The following GRAMD1C variants were observed in gnomAD, a reference collection of about 807,000 sequenced individuals.
GRAMD1C encodes protein Aster-C.
Under a neutral mutation model 97.8 loss-of-function variants are expected in GRAMD1C, and 89 were observed. That is an observed-to-expected ratio of 0.91 (90% CI 0.77 to 1.09). The LOEUF (loss-of-function observed/expected upper bound fraction) is 1.09, where lower values mean the gene tolerates loss of function less well. GRAMD1C is among the 50% of genes least tolerant of loss of function. The probability of loss-of-function intolerance (pLI) is 0.00; values close to 1 mark genes in which losing one functional copy is unlikely to be tolerated. For synonymous variants in GRAMD1C, 256 were observed against 267.0 expected (o/e 0.96, Z 0.40); for missense variants, 740 against 766.4 (o/e 0.97, Z 0.41).
At chr3:113,836,246 A>C (rs146457883), upstream of GRAMD1C, among the ~76,000 whole-genome samples, 940 of 152,384 alleles carry the variant, frequency 6.2e-3, 3 homozygotes, top group Non-Finnish European at 8.7e-3. Flanking sequence ...TCTGGGGGAC[A>C]GAACGAGACT....
At chr3:113,839,121 C>T (rs1463871532) in intron 1 of GRAMD1C, among the ~76,000 whole-genome samples, 185 bp downstream of exon 1, 1 of 152,172 alleles carries the variant, frequency 6.6e-6, no homozygotes, top group Non-Finnish European at 1.5e-5. Context: ...CGAGCCCTTT[C>T]CCTACGGGCG....
At chr3:113,925,228 G>A (rs1274584689) in intron 10 of GRAMD1C, among the ~76,000 whole-genome samples, 8 of 152,236 alleles carry the variant, frequency 5.3e-5, no homozygotes, top group Middle Eastern at 3.4e-3. Context: ...GGGGGCTCAC[G>A]CCTGTAATCC....
intron 1 of GRAMD1C, among the ~76,000 whole-genome samples, chr3:113,843,476 C>T (rs977010413): frequency 3.9e-5 from 6 of 151,922 alleles, no homozygotes; most frequent in Non-Finnish European, 7.4e-5. Flanking sequence ...TGAGCAATTA[C>T]CCGATGGGCC....
intron 3 of GRAMD1C, among the ~76,000 whole-genome samples, chr3:113,871,166 A>T (rs1165574285): frequency 1.3e-5 from 2 of 152,180 alleles, no homozygotes; most frequent in Non-Finnish European, 2.9e-5. Context: ...TAACAGATGT[A>T]CTCATAGAGA....
chr3:113,947,156 T>C lies in GRAMD1C; in HGVS notation c.*1678T>C, dbSNP rs868175156. On this transcript the variant is annotated 3_prime_UTR_variant, in exon 18 of 18. Coordinates refer to ENST00000358160, the MANE Select transcript of GRAMD1C (RefSeq NM_017577.5). ...GCCTGTTACGTAAATTGAATATTAATAAAATTGAAAATTTCTGAGTTGTAG... is the reference window on the plus strand; with the variant it reads ...GCCTGTTACGTAAATTGAATATTAACAAAATTGAAAATTTCTGAGTTGTAG... 8 of 152,336 alleles carry C rather than the reference T, an allele frequency of 5.3e-5. No individual in the cohort carries two copies. In the East Asian group the frequency reaches 7.7e-4, roughly 15 times the overall value. 9.4% of individuals were successfully genotyped at this position (152,336 alleles called of 1,614,324 possible).
rs374765529 is a variant in GRAMD1C, at chr3:113,882,775, C to G, written c.483C>G (p.Ala161=). ...SEKFFFTSFG[A]RDRSYLSIFR... ...AGTTTTTCTTCACATCTTTTGGTGC[C>G]AGGGATAGAAGTTACCTCAGTATCT... The change falls in exon 6 of 18, where the codon GCC becomes GCG. Residue 161 remains alanine, a synonymous_variant. Transcript: ENST00000358160. 12 of 1,591,880 alleles carry G rather than the reference C, an allele frequency of 7.5e-6. No homozygotes were observed. The African/African-American group carries it at 1.2e-4, about 16-fold the overall frequency.
chr3:113,886,777 G>GTTTT (rs34683672), intron 6 of GRAMD1C, among the ~76,000 whole-genome samples: 200 of 80,022 alleles, frequency 2.5e-3, no homozygotes, highest in African/African-American at 3.1e-3. Flanking sequence ...TTGTTTGCTT[G>GTTTT]TTTTTTTTTT....
At chr3:113,921,271 A>T (rs1269599119) in intron 10 of GRAMD1C, among the ~76,000 whole-genome samples, 1 of 152,182 alleles carries the variant, frequency 6.6e-6, no homozygotes. Flanking sequence ...ATACTATCCC[A>T]TGGTGTATAT....
chr3:113,890,569 A>G, intron 6 of GRAMD1C: 1 of 561,036 alleles, frequency 1.8e-6, no homozygotes, highest in South Asian at 2.6e-5. Context: ...CTATTCTAGC[A>G]CTGGCTGAAA....
At position 113,934,515 on chromosome 3, in the gene GRAMD1C, A is replaced by T. The variant is rs370612537; in HGVS notation, c.1436A>T (p.Glu479Val). The T allele has an allele frequency of 1.3e-6, 2 of 1,551,540 alleles. No individual in the cohort carries two copies. Among genetic ancestry groups the T allele is most frequent in the Non-Finnish European group, 1.8e-6 (2 of 1,132,024 alleles). Residue 479 changes from glutamate (E) to valine (V), a missense_variant, in exon 13 of 18, where the codon GAG becomes GTG. Physicochemically the swap from Glu to Val is moderately radical, Grantham distance 121. Coordinates refer to ENST00000358160, the MANE Select transcript of GRAMD1C (RefSeq NM_017577.5). ...LIEKNSWSSL[E>V]DYFKQLESDL... The stretch of plus-strand genomic sequence containing the variant: ...GAAAAGAATTCCTGGAGTTCTTTGG[A>T]GGACTATTTCAAACAGCTTGGTTTG...
At chr3:113,889,207 A>AG (rs1251756763) in intron 6 of GRAMD1C, among the ~76,000 whole-genome samples, 1 of 151,856 alleles carries the variant, frequency 6.6e-6, no homozygotes, top group Non-Finnish European at 1.5e-5. Flanking sequence ...TCTAAAAAAA[A>AG]ACGTATATCC....
intron 2 of GRAMD1C, among the ~76,000 whole-genome samples, chr3:113,851,752 A>G (rs1933915766): frequency 6.6e-6 from 1 of 152,098 alleles, no homozygotes; most frequent in Admixed American, 6.6e-5. Flanking sequence ...TCCTGACCTC[A>G]GGTGATCCAT....
intron 6 of GRAMD1C, among the ~76,000 whole-genome samples, chr3:113,884,891 CT>C (rs796500184): frequency 6.2e-5 from 9 of 145,780 alleles, no homozygotes; most frequent in African/African-American, 1.3e-4. Context: ...CCACTCTCCG[CT>C]TTCCCCCCCT....
intron 7 of GRAMD1C, 106 bp from the exon 8 acceptor site, chr3:113,904,034 T>C: frequency 1.3e-6 from 1 of 745,430 alleles, no homozygotes; most frequent in South Asian, 2.0e-5. Context: ...AGTAGTCCAT[T>C]TATTATCAAA....
intron 2 of GRAMD1C, chr3:113,850,218 A>G: frequency 1.9e-6 from 1 of 535,564 alleles, no homozygotes. Flanking sequence ...TCAATGCAAA[A>G]TAATAATACT....
At chr3:113,931,381 G>A in intron 11 of GRAMD1C, among the ~76,000 whole-genome samples, 1 of 146,566 alleles carries the variant, frequency 6.8e-6, no homozygotes, top group Admixed American at 6.8e-5. Flanking sequence ...TTTTTTTTGA[G>A]ACGGAGTCTC....
intron 6 of GRAMD1C, 27 bp downstream of exon 6, chr3:113,882,859 C>T: frequency 8.8e-7 from 1 of 1,137,044 alleles, no homozygotes; most frequent in Non-Finnish European, 1.3e-6. Context: ...GAGGCAGTTG[C>T]TTATTATAAG....
chr3:113,867,576 A>G (rs1934632378), intron 2 of GRAMD1C, among the ~76,000 whole-genome samples: 1 of 152,210 alleles, frequency 6.6e-6, no homozygotes, highest in Admixed American at 6.5e-5. Flanking sequence ...ATAGGGATGC[A>G]TGTGCCACTA....
chr3:113,842,082 C>T (rs1933353637), intron 1 of GRAMD1C, among the ~76,000 whole-genome samples: 1 of 152,184 alleles, frequency 6.6e-6, no homozygotes, highest in Non-Finnish European at 1.5e-5. Context: ...GTCAGAGTGT[C>T]CATGGCCACA....
Sources: allele counts gnomAD v4.1 joint callset (sites outside exome capture counted in the v4.1 genomes callset), GRCh38; gene constraint gnomAD v4.1.1; transcripts MANE v1.5; gene names NCBI Gene and HGNC (gene_info 2026-07-23, HGNC 2026-07-21).